The following KYAT1 variants were observed in gnomAD, a reference collection of about 807,000 sequenced individuals.
The protein encoded by KYAT1 is kynurenine aminotransferase 1.
Under a neutral mutation model 52.4 loss-of-function variants are expected in KYAT1, and 47 were observed. The ratio of observed to expected loss-of-function variants is 0.90; its 90% CI spans 0.71 to 1.14. The LOEUF is 1.14. KYAT1 is among the 50% of genes most tolerant of loss of function. The pLI is 0.00. For synonymous variants in KYAT1, 212 were observed against 209.6 expected (o/e 1.01, Z -0.10); for missense variants, 480 against 557.9 (o/e 0.86, Z 1.41).
intron 3 of KYAT1, among the ~76,000 whole-genome samples, chr9:128,840,361 C>A (rs1215008310): frequency 1.3e-5 from 2 of 152,256 alleles, no homozygotes; most frequent in East Asian, 1.9e-4. Context: ...CGGGTTCAAG[C>A]GATTCTTGTG....
chr9:128,846,742 C>T (rs1402686430), intron 1 of KYAT1: 29 of 1,535,452 alleles, frequency 1.9e-5, no homozygotes, highest in Non-Finnish European at 2.5e-5. Flanking sequence ...CCTTCAGCAG[C>T]AGGGACCTCA....
At chr9:128,850,545 A>C (rs945653088) in intron 1 of KYAT1, among the ~76,000 whole-genome samples, 3 of 152,224 alleles carry the variant, frequency 2.0e-5, no homozygotes, top group African/African-American at 7.2e-5. Flanking sequence ...CACTGCAGAA[A>C]GCCACAGGGA....
chr9:128,834,831 CAAAAAAAAAAAAA>C (rs35785668), intron 11 of KYAT1, among the ~76,000 whole-genome samples: 3 of 25,862 alleles, frequency 1.2e-4, no homozygotes, highest in Non-Finnish European at 2.0e-4. Context: ...GACTCTGTCT[CAAAAAAAAAAAAA>C]AAAAAAAAAA....
intron 1 of KYAT1, among the ~76,000 whole-genome samples, chr9:128,853,228 T>C (rs1487350140): frequency 3.3e-5 from 5 of 152,218 alleles, no homozygotes; most frequent in African/African-American, 4.8e-5. Flanking sequence ...GTGGGAATTA[T>C]TGACAATCAT....
In KYAT1 at chr9:128,836,255, C is replaced by T. The variant is rs4837318; in HGVS notation, c.689-182G>A. ...TTCCTTTCCTTCCTTCCTTCTTTCT[C>T]TCTCTCTCTCTCTCCCTCCCTCCCT... On this transcript the variant is annotated intron_variant, in intron 7 of 12. Coordinates refer to ENST00000302586, the MANE Select transcript of KYAT1 (RefSeq NM_004059.5). 1,049 of 193,418 alleles carry T rather than the reference C, an allele frequency of 5.4e-3. 1 individual carries two copies. The highest frequency in any genetic ancestry group is 7.2e-3 in the Admixed American group (78 of 10,778). 12.0% of individuals were successfully genotyped at this position (193,418 alleles called of 1,614,324 possible).
intron 7 of KYAT1, 107 bp downstream of exon 7, chr9:128,836,695 G>A (rs918358931): frequency 7.7e-7 from 1 of 1,292,930 alleles, no homozygotes; most frequent in Admixed American, 2.2e-5. Flanking sequence ...GATCTGCAGG[G>A]CTCCATAACC....
chr9:128,850,884 A>G (rs932784501), intron 1 of KYAT1, among the ~76,000 whole-genome samples: 9 of 152,212 alleles, frequency 5.9e-5, no homozygotes. Flanking sequence ...CTCCACTGAG[A>G]TGTTTGGGTG....
chr9:128,847,594 T>C, intron 1 of KYAT1: 1 of 1,214,950 alleles, frequency 8.2e-7, no homozygotes, highest in Non-Finnish European at 1.1e-6. Context: ...GAAACAGCCC[T>C]GGCCAGAAAA....
chr9:128,841,891 G>A (rs1482380160), intron 3 of KYAT1, among the ~76,000 whole-genome samples: 1 of 151,958 alleles, frequency 6.6e-6, no homozygotes, highest in Non-Finnish European at 1.5e-5. Context: ...AGGCTGAGGT[G>A]GGAGGATCAC....
intron 1 of KYAT1, among the ~76,000 whole-genome samples, chr9:128,853,943 A>C (rs78022773): frequency 1.3e-5 from 2 of 152,280 alleles, no homozygotes; most frequent in Admixed American, 6.5e-5. Flanking sequence ...TCCATGTGAC[A>C]GTTGATACTT....
At chr9:128,839,716 C>T (rs1831795865) in intron 3 of KYAT1, among the ~76,000 whole-genome samples, 1 of 152,212 alleles carries the variant, frequency 6.6e-6, no homozygotes, top group African/African-American at 2.4e-5. Context: ...CAGTAACTCA[C>T]TAAACCAGAT....
At chr9:128,836,634 G>C (rs1831173738) in intron 7 of KYAT1, among the ~76,000 whole-genome samples, 168 bp downstream of exon 7, 1 of 152,080 alleles carries the variant, frequency 6.6e-6, no homozygotes, top group Non-Finnish European at 1.5e-5. Context: ...CGACAACCAG[G>C]GAGGCAGGTG....
chr9:128,872,821 C>T (rs1394238318), intron 1 of KYAT1, among the ~76,000 whole-genome samples: 2 of 138,566 alleles, frequency 1.4e-5, no homozygotes, highest in Admixed American at 7.2e-5. Context: ...GCCTGTAATC[C>T]TAGAACTTTG....
chr9:128,880,672 G>A (rs1838708589), intron 1 of KYAT1, among the ~76,000 whole-genome samples: 1 of 152,058 alleles, frequency 6.6e-6, no homozygotes, highest in African/African-American at 2.4e-5. Context: ...TCGATCTACT[G>A]ACCTCGTGAT....
chr9:128,856,483 AC>A (rs1202325124), intron 1 of KYAT1, among the ~76,000 whole-genome samples: 1 of 152,216 alleles, frequency 6.6e-6, no homozygotes, highest in Non-Finnish European at 1.5e-5. Flanking sequence ...TCAGACTGTT[AC>A]TGTGTCTATG....
At chr9:128,878,538 G>T (rs1295530684) in intron 1 of KYAT1, among the ~76,000 whole-genome samples, 1 of 151,572 alleles carries the variant, frequency 6.6e-6, no homozygotes, top group Non-Finnish European at 1.5e-5. Context: ...TTTTTTGATA[G>T]AAAAAAAACA....
intron 1 of KYAT1, among the ~76,000 whole-genome samples, chr9:128,857,317 C>T (rs1466584795): frequency 6.6e-6 from 1 of 152,176 alleles, no homozygotes; most frequent in Admixed American, 6.6e-5. Flanking sequence ...GATGCTGGTG[C>T]AGGTCCTTGA....
chr9:128,859,484 A>G (rs1039582571), intron 1 of KYAT1, among the ~76,000 whole-genome samples: 1 of 152,046 alleles, frequency 6.6e-6, no homozygotes, highest in Non-Finnish European at 1.5e-5. Flanking sequence ...CCTGGTCAAC[A>G]TGGTGAAACC....
chr9:128,840,952 T>A lies in KYAT1; in HGVS notation c.201+1702A>T, dbSNP rs566453221. On this transcript the variant is annotated intron_variant, in intron 3 of 12. Coordinates refer to ENST00000302586, the MANE Select transcript of KYAT1 (RefSeq NM_004059.5). ...AGAAATACATATGTATACAAAGATG[T>A]CCACACAGGGATATTTGCTGTGGCA... is the stretch of plus-strand genomic sequence containing the variant. 4.7e-4 allele frequency among the ~76,000 whole-genome samples: 71 copies of A among 152,360 alleles called. 1 individual carries two copies. Among genetic ancestry groups the A allele is most frequent in the African/African-American group, 1.6e-3 (65 of 41,592 alleles).
Sources: allele counts gnomAD v4.1 joint callset (sites outside exome capture counted in the v4.1 genomes callset), GRCh38; gene constraint gnomAD v4.1.1; transcripts MANE v1.5; gene names NCBI Gene and HGNC (gene_info 2026-07-23, HGNC 2026-07-21).